The following PACRG variants were observed in gnomAD, a reference collection of about 807,000 sequenced individuals.
PACRG encodes the protein parkin coregulated.
PACRG carries 29 observed loss-of-function variants against 29.7 expected under a neutral mutation model. The ratio of observed to expected loss-of-function variants is 0.98; its 90% CI spans 0.73 to 1.33. The LOEUF (loss-of-function observed/expected upper bound fraction) is 1.33. Among genes scored for constraint, PACRG ranks in the 40% most tolerant of loss-of-function variants. PACRG has a pLI of 0.00. For synonymous variants in PACRG, 116 were observed against 118.7 expected (o/e 0.98, Z 0.15); for missense variants, 279 against 316.2 (o/e 0.88, Z 0.89).
At chr6:163,046,742 T>C (rs1449722871) in intron 2 of PACRG, 2 of 152,166 alleles carry the variant, frequency 1.3e-5, no homozygotes, top group East Asian at 1.9e-4. Context: ...CCTTTTTTTT[T>C]CCTACCCACT....
chr6:162,983,826 G>T lies in PACRG; in HGVS notation c.292-78324G>T, dbSNP rs1420476778. ...GTGACAAATTTTTCAGCTGTTCTTT[G>T]AACTTCTTGTAATTGGATGTCTAGA... On this transcript the variant is annotated intron_variant, in intron 2 of 4. Transcript: ENST00000366888. 3.3e-5 allele frequency among the ~76,000 whole-genome samples: 5 copies of T among 151,936 alleles called. No individual in the cohort carries two copies. The East Asian group carries it at 7.7e-4, about 24-fold the overall frequency.
intron 3 of PACRG, among the ~76,000 whole-genome samples, chr6:163,063,422 C>A (rs1381455028): frequency 1.3e-5 from 2 of 152,106 alleles, no homozygotes; most frequent in Non-Finnish European, 2.9e-5. Context: ...GTTGGGGAAC[C>A]CCACCCTCAC....
At chr6:162,975,295 A>G (rs925114668) in intron 2 of PACRG, among the ~76,000 whole-genome samples, 15 of 152,256 alleles carry the variant, frequency 9.9e-5, no homozygotes, top group African/African-American at 3.6e-4. Context: ...TTAAAAGACA[A>G]TATTGTAAAT....
chr6:162,842,573 AT>A (rs1231543293), intron 2 of PACRG, among the ~76,000 whole-genome samples: 2 of 146,176 alleles, frequency 1.4e-5, no homozygotes, highest in African/African-American at 5.1e-5. Flanking sequence ...GTGTCTTTTA[AT>A]TGGAGCATTT....
intron 2 of PACRG, among the ~76,000 whole-genome samples, chr6:163,006,857 C>T (rs897228966): frequency 1.3e-5 from 2 of 151,604 alleles, no homozygotes; most frequent in Non-Finnish European, 2.9e-5. Context: ...TTCTCGGAGG[C>T]AGCTTATAAT....
intron 3 of PACRG, among the ~76,000 whole-genome samples, chr6:163,084,469 T>C (rs1187580851): frequency 6.6e-6 from 1 of 152,168 alleles, no homozygotes; most frequent in Admixed American, 6.5e-5. Context: ...GTGTAAGAAA[T>C]CCCTGTTGGA....
chr6:162,863,804 T>C (rs994879751), intron 2 of PACRG, among the ~76,000 whole-genome samples: 2 of 152,238 alleles, frequency 1.3e-5, no homozygotes, highest in Non-Finnish European at 2.9e-5. Flanking sequence ...AAAACCAAGA[T>C]TTGAATATAG....
chr6:163,068,992 C>T (rs995937779), intron 3 of PACRG, among the ~76,000 whole-genome samples: 5 of 151,946 alleles, frequency 3.3e-5, no homozygotes, highest in African/African-American at 1.2e-4. Flanking sequence ...CTTTATCCTG[C>T]TTATAGATCA....
chr6:163,006,397 G>A (rs1489697660), intron 2 of PACRG, among the ~76,000 whole-genome samples: 1 of 151,056 alleles, frequency 6.6e-6, no homozygotes, highest in Non-Finnish European at 1.5e-5. Flanking sequence ...GTGATACTGT[G>A]GGTTATAGTG....
intron 2 of PACRG, among the ~76,000 whole-genome samples, chr6:162,924,871 C>T (rs1263326080): frequency 2.0e-5 from 3 of 151,974 alleles, no homozygotes; most frequent in Admixed American, 1.3e-4. Context: ...ATCAATCAAT[C>T]CAGGAGCTGG....
At chr6:163,304,176 A>G (rs980805510) in intron 4 of PACRG, among the ~76,000 whole-genome samples, 4 of 152,222 alleles carry the variant, frequency 2.6e-5, no homozygotes, top group African/African-American at 9.6e-5. Flanking sequence ...ACCTAGCTGT[A>G]GAGACCCTCC....
chr6:162,855,113 A>G (rs1247394595), intron 2 of PACRG, among the ~76,000 whole-genome samples: 1 of 152,224 alleles, frequency 6.6e-6, no homozygotes, highest in African/African-American at 2.4e-5. Context: ...CCTGCTGTTA[A>G]CTAGCTGTGT....
chr6:162,841,660 CT>C (rs1261428180), intron 2 of PACRG, among the ~76,000 whole-genome samples: 1 of 146,638 alleles, frequency 6.8e-6, no homozygotes, highest in Non-Finnish European at 1.5e-5. Context: ...TTTGCTCTTG[CT>C]TTTCTAGTTC....
intron 1 of PACRG, among the ~76,000 whole-genome samples, chr6:162,787,582 G>GTGTGTGTA (rs1198197561): frequency 8.3e-4 from 52 of 62,400 alleles, no homozygotes; most frequent in East Asian, 1.1e-3. Flanking sequence ...GTGTGTGTGT[G>GTGTGTGTA]TATATATATA....
At chr6:162,856,896 C>A (rs1223557436) in intron 2 of PACRG, among the ~76,000 whole-genome samples, 1 of 152,110 alleles carries the variant, frequency 6.6e-6, no homozygotes, top group Non-Finnish European at 1.5e-5. Context: ...GGAGTGACTC[C>A]AGCGGGTTTA....
chr6:163,070,624 G>A (rs1379338215), intron 3 of PACRG, among the ~76,000 whole-genome samples: 1 of 151,864 alleles, frequency 6.6e-6, no homozygotes, highest in Non-Finnish European at 1.5e-5. Context: ...AGGAAGACAG[G>A]AAGGAAGGAA....
chr6:163,028,574 A>G (rs915186066), intron 2 of PACRG, among the ~76,000 whole-genome samples: 1 of 152,182 alleles, frequency 6.6e-6, no homozygotes, highest in Non-Finnish European at 1.5e-5. Flanking sequence ...TACATATTAA[A>G]TATGATTCAC....
intron 2 of PACRG, among the ~76,000 whole-genome samples, chr6:162,989,038 A>G (rs1803167277): frequency 6.6e-6 from 1 of 152,178 alleles, no homozygotes; most frequent in Admixed American, 6.6e-5. Flanking sequence ...TAAATAGCCC[A>G]ATCAAGAATA....
At chr6:162,817,976 A>T (rs973632864) in intron 2 of PACRG, among the ~76,000 whole-genome samples, 3 of 152,150 alleles carry the variant, frequency 2.0e-5, no homozygotes, top group African/African-American at 7.2e-5. Context: ...AATAAATCTC[A>T]TCTCGAATAT....
Sources: allele counts gnomAD v4.1 joint callset (sites outside exome capture counted in the v4.1 genomes callset), GRCh38; gene constraint gnomAD v4.1.1; transcripts MANE v1.5; gene names NCBI Gene and HGNC (gene_info 2026-07-23, HGNC 2026-07-21).